The following CACUL1 variants were observed in gnomAD, a reference collection of about 807,000 sequenced individuals.
CACUL1 encodes the protein CDK2-associated and cullin domain-containing protein 1.
In CACUL1, 13 loss-of-function variants were observed where a neutral mutation model predicts 45.2. The ratio of observed to expected loss-of-function variants is 0.29; its 90% CI spans 0.19 to 0.46. CACUL1 has a LOEUF of 0.46. Among genes scored for constraint, CACUL1 ranks in the 20% least tolerant of loss-of-function variants. CACUL1 has a pLI of 1.00. For synonymous variants in CACUL1, 197 were observed against 174.2 expected (o/e 1.13, Z -1.03); for missense variants, 421 against 471.4 (o/e 0.89, Z 0.99).
At chr10:118,732,219 T>C (rs1219416083) in intron 1 of CACUL1, among the ~76,000 whole-genome samples, 3 of 152,182 alleles carry the variant, frequency 2.0e-5, no homozygotes, top group East Asian at 1.9e-4. Flanking sequence ...ATGGTGGCAC[T>C]GAGGACAATA....
intron 3 of CACUL1, among the ~76,000 whole-genome samples, chr10:118,708,357 T>C (rs1845452904): frequency 6.8e-6 from 1 of 148,000 alleles, no homozygotes; most frequent in South Asian, 2.1e-4. Flanking sequence ...TTCTGATTTC[T>C]ATGCTAACTT....
intron 1 of CACUL1, 99 bp downstream of exon 1, chr10:118,754,297 C>A (rs758610777): frequency 1.7e-4 from 240 of 1,422,982 alleles, no homozygotes; most frequent in Non-Finnish European, 2.2e-4. Context: ...AAGACCGAGG[C>A]CTGAAACAAA....
intron 3 of CACUL1, among the ~76,000 whole-genome samples, chr10:118,725,248 A>T (rs1159032471): frequency 6.6e-6 from 1 of 152,196 alleles, no homozygotes; most frequent in African/African-American, 2.4e-5. Context: ...CAGGAAGATC[A>T]CTTGAGTCCA....
intron 5 of CACUL1, among the ~76,000 whole-genome samples, chr10:118,698,115 T>C (rs1845339976): frequency 6.6e-6 from 1 of 151,896 alleles, no homozygotes; most frequent in African/African-American, 2.4e-5. Flanking sequence ...TTTTAAGACG[T>C]GGCTCCCAAA....
At position 118,695,121 on chromosome 10, in the gene CACUL1, C is replaced by T. The variant is rs1320607438; in HGVS notation, c.886+20G>A. On this transcript the variant is annotated intron_variant, in intron 6 of 8. Transcript: ENST00000369151. Reference sequence around the variant, plus strand: ...CTGTAACAAACAGTTCCAATCCCAACAGAAATGAGAAATGTTTACCTGGTC... The same window carrying T: ...CTGTAACAAACAGTTCCAATCCCAATAGAAATGAGAAATGTTTACCTGGTC... 1 of 1,426,976 alleles carries T rather than the reference C, an allele frequency of 7.0e-7. No individual in the cohort carries two copies. The highest frequency in any genetic ancestry group is 2.3e-5 in the East Asian group (1 of 43,912). 88.4% of individuals were successfully genotyped at this position (1,426,976 alleles called of 1,614,324 possible).
chr10:118,713,452 C>G (rs1288152064), intron 3 of CACUL1, among the ~76,000 whole-genome samples: 1 of 152,186 alleles, frequency 6.6e-6, no homozygotes, highest in East Asian at 1.9e-4. Flanking sequence ...TTGACGCCTC[C>G]CTGCTACAGC....
chr10:118,708,147 CAA>C (rs34008762), intron 3 of CACUL1, among the ~76,000 whole-genome samples: 25 of 104,010 alleles, frequency 2.4e-4, no homozygotes, highest in Non-Finnish European at 2.8e-4. Context: ...AACACTGTCT[CAA>C]AAAAAAAAAA....
chr10:118,698,633 C>T (rs1485930860), intron 5 of CACUL1, among the ~76,000 whole-genome samples: 1 of 152,156 alleles, frequency 6.6e-6, no homozygotes, highest in Non-Finnish European at 1.5e-5. Context: ...GAACCAAAAG[C>T]TAGCACCAAC....
At chr10:118,715,244 G>A (rs1353357219) in intron 3 of CACUL1, among the ~76,000 whole-genome samples, 1 of 152,156 alleles carries the variant, frequency 6.6e-6, no homozygotes, top group Non-Finnish European at 1.5e-5. Flanking sequence ...TGTGAGAAAT[G>A]CCTTACAGCA....
intron 1 of CACUL1, among the ~76,000 whole-genome samples, chr10:118,737,316 G>GGTTTGCATAA (rs1564838049): frequency 6.6e-6 from 1 of 152,110 alleles, no homozygotes. Context: ...TAAACACTAT[G>GGTTTGCATAA]GACAATTTAA....
At chr10:118,715,673 C>G (rs1414834083) in intron 3 of CACUL1, among the ~76,000 whole-genome samples, 2 of 152,188 alleles carry the variant, frequency 1.3e-5, no homozygotes, top group Non-Finnish European at 2.9e-5. Context: ...TCTACAATTT[C>G]ATATTTATAT....
In CACUL1 at chr10:118,754,665, C is replaced by A. The variant is rs767425445; in HGVS notation, c.98G>T (p.Arg33Leu). 1.3e-5 allele frequency: 21 copies of A among 1,607,582 alleles called. No individual in the cohort carries two copies. The South Asian group carries it at 2.1e-4, about 16-fold the overall frequency. Residue 33 changes from arginine (R) to leucine (L), a missense_variant, in exon 1 of 9, where the codon CGG becomes CTG. Coordinates refer to ENST00000369151, the MANE Select transcript of CACUL1 (RefSeq NM_153810.5). ...GGGCGGCGGAGGTGGCAGGGGCTGC[C>A]GGAAGCCGTCCACCGCAGCCTCCCA... is the stretch of plus-strand genomic sequence containing the variant. ...NNWEAAVDGF[R>L]QPLPPPPPPS...
intron 1 of CACUL1, among the ~76,000 whole-genome samples, chr10:118,749,799 T>C (rs1278200603): frequency 1.3e-5 from 2 of 152,174 alleles, no homozygotes; most frequent in East Asian, 1.9e-4. Context: ...GGACGTCACA[T>C]AAATGGTGTT....
intron 4 of CACUL1, among the ~76,000 whole-genome samples, chr10:118,702,442 T>C (rs1845391914): frequency 1.3e-5 from 2 of 152,322 alleles, no homozygotes; most frequent in Admixed American, 6.5e-5. Flanking sequence ...CAACCAACCC[T>C]GGACACAGCC....
chr10:118,695,507 T>C (rs1234106221), intron 5 of CACUL1, among the ~76,000 whole-genome samples: 1 of 152,206 alleles, frequency 6.6e-6, no homozygotes, highest in East Asian at 1.9e-4. Flanking sequence ...GTATAATGTA[T>C]CATGAATGAT....
chr10:118,701,238 C>CA, intron 5 of CACUL1, 68 bp downstream of exon 5: 1 of 916,928 alleles, frequency 1.1e-6, no homozygotes, highest in Non-Finnish European at 1.6e-6. Flanking sequence ...TGCTCTCAGA[C>CA]CAAAAAAAAA....
At chr10:118,723,125 T>C (rs1281268481) in intron 3 of CACUL1, among the ~76,000 whole-genome samples, 1 of 152,212 alleles carries the variant, frequency 6.6e-6, no homozygotes, top group Non-Finnish European at 1.5e-5. Context: ...TTTCACATAA[T>C]AATAGACATG....
intron 4 of CACUL1, among the ~76,000 whole-genome samples, chr10:118,703,947 A>T (rs1313995367): frequency 1.3e-5 from 2 of 151,586 alleles, no homozygotes; most frequent in Non-Finnish European, 2.9e-5. Context: ...CTTTTGTCTT[A>T]TATTTTCCAA....
At chr10:118,695,052 A>G (rs762889068) in intron 6 of CACUL1, 89 bp downstream of exon 6, 4 of 791,912 alleles carry the variant, frequency 5.1e-6, no homozygotes, top group Non-Finnish European at 8.9e-6. Flanking sequence ...AGTACCATTA[A>G]GCCTCACAAA....
Sources: allele counts gnomAD v4.1 joint callset (sites outside exome capture counted in the v4.1 genomes callset), GRCh38; gene constraint gnomAD v4.1.1; transcripts MANE v1.5; gene names NCBI Gene and HGNC (gene_info 2026-07-23, HGNC 2026-07-21).